The following RESF1 variants were observed in gnomAD, a reference collection of about 807,000 sequenced individuals.
RESF1 encodes retroelement silencing factor 1.
RESF1 carries 65 observed loss-of-function variants against 134.7 expected under a neutral mutation model. The ratio of observed to expected loss-of-function variants is 0.48; its 90% confidence interval spans 0.40 to 0.59. The LOEUF (loss-of-function observed/expected upper bound fraction) is 0.59. Ranked by LOEUF, RESF1 falls within the 20% of genes least tolerant of loss-of-function variation. The pLI, the probability that RESF1 is intolerant of heterozygous loss-of-function variation, is 0.00. For synonymous variants in RESF1, 762 were observed against 702.2 expected (o/e 1.09, Z -1.35); for missense variants, 2,274 against 2,002.7 (o/e 1.14, Z -2.59).
intron 2 of RESF1, among the ~76,000 whole-genome samples, chr12:31,964,918 C>T (rs1206532701): frequency 6.6e-6 from 1 of 152,074 alleles, no homozygotes; most frequent in Non-Finnish European, 1.5e-5. Context: ...CAATGCCTGT[C>T]CTGTGTCAGT....
At chr12:31,969,713 A>G (rs1939467369) in intron 2 of RESF1, among the ~76,000 whole-genome samples, 1 of 152,060 alleles carries the variant, frequency 6.6e-6, no homozygotes, top group African/African-American at 2.4e-5. Flanking sequence ...ATTCCCGCTC[A>G]CCACTGCCTC....
intron 3 of RESF1, among the ~76,000 whole-genome samples, chr12:31,980,108 CTT>C (rs61587386): frequency 0.032 from 3,610 of 114,342 alleles, 104 homozygotes; most frequent in African/African-American, 0.11. Flanking sequence ...TTTTCTTTTC[CTT>C]TTTTTTTTTT....
At chr12:31,987,612 G>A (rs1940004565) in intron 5 of RESF1, among the ~76,000 whole-genome samples, 1 of 151,996 alleles carries the variant, frequency 6.6e-6, no homozygotes, top group South Asian at 2.1e-4. Flanking sequence ...AAATACTTTA[G>A]GTTTTCTGGG....
At chr12:31,989,042 T>G (rs1940037666) in intron 5 of RESF1, among the ~76,000 whole-genome samples, 1 of 151,938 alleles carries the variant, frequency 6.6e-6, no homozygotes, top group South Asian at 2.1e-4. Context: ...TGTTAGGGTT[T>G]GGCTTTGAAA....
rs143038755 is a variant in RESF1, at chr12:31,983,980, G to T, written c.3025G>T (p.Asp1009Tyr). 6.2e-7 allele frequency: 1 copy of T among 1,613,814 alleles called. No homozygotes were observed. Among genetic ancestry groups the T allele is most frequent in the Non-Finnish European group, 8.5e-7 (1 of 1,179,950 alleles). Residue 1009 changes from aspartate to tyrosine, a missense_variant, in exon 4 of 6, where the codon GAT becomes TAT. By Grantham distance (160) the Asp-to-Tyr change is radical. Coordinates refer to ENST00000312561, the MANE Select transcript of RESF1 (RefSeq NM_018169.4). ...TGCCACTGAAAAAAGCACAGCTAACGATACGTGCTCGTCAGCTGCTATTCA... is the reference window on the plus strand; with the variant it reads ...TGCCACTGAAAAAAGCACAGCTAACTATACGTGCTCGTCAGCTGCTATTCA... ...EHATEKSTAN[D>Y]TCSSAAIQED... is the part of the protein sequence containing the mutation.
chr12:31,974,254 C>T (rs1333239393), intron 3 of RESF1, among the ~76,000 whole-genome samples: 1 of 151,680 alleles, frequency 6.6e-6, no homozygotes, highest in South Asian at 2.1e-4. Flanking sequence ...TGTCAGGAAC[C>T]GGGTTCAAAG....
chr12:31,988,388 T>C (rs972607024), intron 5 of RESF1, among the ~76,000 whole-genome samples: 2 of 152,220 alleles, frequency 1.3e-5, no homozygotes, highest in African/African-American at 4.8e-5. Flanking sequence ...CAATATAGTA[T>C]AACAACTGTT....
rs1433096754 is a variant in RESF1 at position 31,984,689 on chromosome 12, A to G, written c.3734A>G (p.Lys1245Arg). 3.1e-6 allele frequency: 5 copies of G among 1,590,328 alleles called. No individual in the cohort carries two copies. Among genetic ancestry groups the G allele is most frequent in the Non-Finnish European group, 3.4e-6 (4 of 1,174,222 alleles). The change falls in exon 4 of 6, where the codon AAA becomes AGA. Residue 1245 changes from lysine (K) to arginine (R), a missense_variant. Transcript: ENST00000312561. ...VNNPKTPPDG[K>R]SHFPELQDDS... Reference sequence around the variant, plus strand: ...AATCCAAAGACTCCTCCAGATGGGAAAAGTCATTTTCCTGAACTACAAGAC... The same window carrying G: ...AATCCAAAGACTCCTCCAGATGGGAGAAGTCATTTTCCTGAACTACAAGAC...
chr12:31,984,443 T>G lies in RESF1; in HGVS notation c.3488T>G (p.Leu1163Arg), dbSNP rs765961114. 1.7e-5 allele frequency: 27 copies of G among 1,614,176 alleles called. No homozygotes were observed. In the East Asian group the frequency reaches 5.3e-4, roughly 32 times the overall value. Residue 1163 changes from leucine (L) to arginine (R), a missense_variant, in exon 4 of 6, where the codon CTG (leucine) becomes CGG (arginine). By Grantham distance (102) the Leu-to-Arg change is moderately radical (BLOSUM62 -2). Transcript: ENST00000312561. Reference sequence around the variant, plus strand: ...GGACAAAGTCGTGATTCTGTGATACTGGACTCTGAGAAAGATGATATCCAC... The same window carrying G: ...GGACAAAGTCGTGATTCTGTGATACGGGACTCTGAGAAAGATGATATCCAC... ...AAGQSRDSVI[L>R]DSEKDDIHCC...
rs773624566 is a variant in RESF1 at position 31,992,401 on chromosome 12, A to C, written c.5110A>C (p.Lys1704Gln). 6.2e-7 allele frequency: 1 copy of C among 1,612,774 alleles called. No homozygotes were observed. The highest frequency in any genetic ancestry group is 1.1e-5 in the South Asian group (1 of 90,814). Residue 1704 changes from lysine to glutamine, a missense_variant, in exon 6 of 6, where the codon AAG becomes CAG. Coordinates refer to ENST00000312561, the MANE Select transcript of RESF1 (RefSeq NM_018169.4). Reference sequence around the variant, plus strand: ...AGATAATGTTAATTCAAGACTCTCGAAGAGAAGCTTCAGTGCAGATGGATT... The same window carrying C: ...AGATAATGTTAATTCAAGACTCTCGCAGAGAAGCTTCAGTGCAGATGGATT... ...ERDNVNSRLSKRSFSADGFEM... is the reference protein window; with the variant it reads ...ERDNVNSRLSQRSFSADGFEM...
Position 31,985,514 on chromosome 12 carries a change from A to G in RESF1, c.4559A>G (p.Lys1520Arg), listed in dbSNP as rs775924061. 35 of 1,603,140 alleles carry G rather than the reference A, an allele frequency of 2.2e-5. No individual in the cohort carries two copies. The South Asian group carries it at 3.6e-4, about 17-fold the overall frequency. The stretch of plus-strand genomic sequence containing the variant: ...TTGACAAGCCATGGTAAAAACCTCA[A>G]AATCCACCATTCTCAGGAGTCTAAA... Reference protein sequence around the residue: ...NGLTSHGKNLKIHHSQESKTY... With the variant: ...NGLTSHGKNLRIHHSQESKTY... Residue 1520 changes from lysine (K) to arginine (R), a missense_variant, in exon 4 of 6, where the codon AAA becomes AGA. Physicochemically the swap from Lys to Arg is conservative, Grantham distance 26. Coordinates refer to ENST00000312561, the MANE Select transcript of RESF1 (RefSeq NM_018169.4).
intron 3 of RESF1, among the ~76,000 whole-genome samples, chr12:31,970,776 C>T (rs915073912): frequency 6.6e-6 from 1 of 152,182 alleles, no homozygotes; most frequent in Non-Finnish European, 1.5e-5. Flanking sequence ...ACATTTTAGC[C>T]TATATGTTGC....
At chr12:31,979,949 T>A (rs907040675) in intron 3 of RESF1, among the ~76,000 whole-genome samples, 3 of 151,326 alleles carry the variant, frequency 2.0e-5, no homozygotes, top group Non-Finnish European at 4.4e-5. Context: ...TAATACTTGG[T>A]TTTCCTGGTG....
chr12:31,987,002 C>G (rs1028426364), intron 4 of RESF1, among the ~76,000 whole-genome samples: 3 of 152,100 alleles, frequency 2.0e-5, no homozygotes, highest in Admixed American at 6.6e-5. Flanking sequence ...ATGTATTAAC[C>G]TCTTCAGTTC....
intron 5 of RESF1, among the ~76,000 whole-genome samples, chr12:31,992,066 A>G (rs4931005): frequency 0.79 from 120,276 of 152,150 alleles, 47,515 homozygotes; most frequent in East Asian, 0.85. Context: ...TGTTTAAAAG[A>G]TCACATTCAT....
At chr12:31,970,818 T>C (rs1224057831) in intron 3 of RESF1, among the ~76,000 whole-genome samples, 1 of 152,234 alleles carries the variant, frequency 6.6e-6, no homozygotes, top group Non-Finnish European at 1.5e-5. Context: ...ACCTCAGTAT[T>C]GTATCCTCCA....
At chr12:31,989,230 A>G (rs1007575171) in intron 5 of RESF1, among the ~76,000 whole-genome samples, 1 of 150,294 alleles carries the variant, frequency 6.7e-6, no homozygotes, top group African/African-American at 2.4e-5. Flanking sequence ...CCCTGTCTCT[A>G]CTGAAAATAT....
chr12:31,973,795 A>G (rs1592254727), intron 3 of RESF1, among the ~76,000 whole-genome samples: 1 of 152,270 alleles, frequency 6.6e-6, no homozygotes, highest in Non-Finnish European at 1.5e-5. Context: ...ACAACTGACC[A>G]CTTCATCTCT....
rs747908347 is a variant in RESF1, at chr12:31,982,060, G to T, written c.1105G>T (p.Glu369Ter). 6.2e-7 allele frequency: 1 copy of T among 1,614,090 alleles called. No homozygotes were observed. Among genetic ancestry groups the T allele is most frequent in the Non-Finnish European group, 8.5e-7 (1 of 1,180,028 alleles). The stretch of plus-strand genomic sequence containing the variant: ...TGTTCAGACTCTTGCTCAAACTAAT[G>T]AAGAGAAAATAATGGATTCTTGCAA... ...DGVQTLAQTN[E>*]EKIMDSCNPT... Residue 369 changes from glutamate (E) to a stop codon, truncating the protein, a stop_gained, in exon 4 of 6, where the codon GAA (glutamate) becomes TAA (stop). Coordinates refer to ENST00000312561, the MANE Select transcript of RESF1 (RefSeq NM_018169.4). LOFTEE classifies it high-confidence loss of function.
Sources: allele counts gnomAD v4.1 joint callset (sites outside exome capture counted in the v4.1 genomes callset), GRCh38; gene constraint gnomAD v4.1.1; transcripts MANE v1.5; gene names NCBI Gene and HGNC (gene_info 2026-07-23, HGNC 2026-07-21).